The following SEC13 variants were observed in gnomAD, a reference collection of about 807,000 sequenced individuals.
SEC13 encodes the protein protein SEC13 homolog.
Under a neutral mutation model 49.2 loss-of-function variants are expected in SEC13, and 25 were observed. That is an observed-to-expected ratio of 0.51 (90% CI 0.37 to 0.71). The LOEUF is 0.71. Among genes scored for constraint, SEC13 ranks in the 30% least tolerant of loss-of-function variants. SEC13 has a pLI of 0.00. For missense variants in SEC13, 383 were observed against 417.6 expected (o/e 0.92, Z 0.72); for synonymous variants, 148 against 163.9 (o/e 0.90, Z 0.74).
At position 10,305,147 on chromosome 3, in the gene SEC13, C is replaced by G. The variant is rs144621494; in HGVS notation, c.594G>C (p.Glu198Asp). 4.3e-6 allele frequency: 7 copies of G among 1,611,408 alleles called. No homozygotes were observed. The Admixed American group carries it at 6.7e-5, about 15-fold the overall frequency. ...TCTGCTCCTCCTTCCACTGGCCGTC[C>G]TCCTCCTCCCTAACAGTGGGGACAG... is the stretch of plus-strand genomic sequence containing the variant. ...DNLIKLWKEE[E>D]DGQWKEEQKL... The change falls in exon 7 of 9, where the codon GAG becomes GAC. Residue 198 changes from glutamate (E) to aspartate (D), a missense_variant. By Grantham distance (45) the Glu-to-Asp change is conservative (BLOSUM62 2). Transcript: ENST00000350697.
intron 7 of SEC13, 60 bp from the exon 8 acceptor site, chr3:10,304,232 A>T: frequency 6.3e-7 from 1 of 1,580,046 alleles, no homozygotes; most frequent in Non-Finnish European, 8.7e-7. Flanking sequence ...TTGTGATGTG[A>T]TGTCCTCCCA....
intron 3 of SEC13, among the ~76,000 whole-genome samples, chr3:10,314,178 C>T (rs1185880800): frequency 6.6e-6 from 1 of 152,120 alleles, no homozygotes; most frequent in African/African-American, 2.4e-5. Flanking sequence ...GCAGTGGCAC[C>T]ATCGTGGCTC....
At position 10,312,916 on chromosome 3, in the gene SEC13, A is replaced by C. The variant is rs1350230893; in HGVS notation, c.165-186T>G. 5.2e-6 allele frequency: 3 copies of C among 579,834 alleles called. No individual in the cohort carries two copies. In the East Asian group the frequency reaches 8.8e-5, roughly 17 times the overall value. The allele number at this position is 579,834 out of a possible 1,614,324, so 35.9% of individuals were successfully genotyped here. On this transcript the variant is annotated intron_variant, in intron 3 of 8. Transcript: ENST00000350697. ...ACAGTGAGGAGCCTGAGGTCCTAAG[A>C]GGTTAAGCAACCTAAGGTCACAGAG...
chr3:10,301,538 AT>A (rs1300385487), intron 8 of SEC13, among the ~76,000 whole-genome samples, 164 bp from the exon 9 acceptor site: 1 of 152,254 alleles, frequency 6.6e-6, no homozygotes, highest in African/African-American at 2.4e-5. Flanking sequence ...GAGTCCAGGA[AT>A]AAAAACTCAC....
At chr3:10,320,928 A>G in intron 1 of SEC13, 122 bp downstream of exon 1, 1 of 1,514,722 alleles carries the variant, frequency 6.6e-7, no homozygotes, top group Non-Finnish European at 8.8e-7. Context: ...CCAAATCTCT[A>G]AGCGGTGGAG....
intron 6 of SEC13, 136 bp downstream of exon 6, chr3:10,305,423 G>T: frequency 8.3e-7 from 1 of 1,200,376 alleles, no homozygotes; most frequent in South Asian, 1.4e-5. Context: ...TCCTCCAACA[G>T]ATTGAAAACA....
At chr3:10,306,020 CAAGAATTCT>C in intron 5 of SEC13, 1 of 198,116 alleles carries the variant, frequency 5.0e-6, no homozygotes, top group Non-Finnish European at 1.0e-5. Context: ...GATCAAGAAA[CAAGAATTCT>C]GCCACCTGCC....
At chr3:10,305,321 C>A (rs201190602) in intron 6 of SEC13, 165 bp from the exon 7 acceptor site, 2 of 988,066 alleles carry the variant, frequency 2.0e-6, no homozygotes, top group Non-Finnish European at 2.9e-6. Flanking sequence ...GTAAAAAAAA[C>A]CCTCCAGAAA....
chr3:10,314,116 A>G (rs1280867194), intron 3 of SEC13: 4 of 142,810 alleles, frequency 2.8e-5, no homozygotes, highest in Non-Finnish European at 6.1e-5. Flanking sequence ...ATTATACAGT[A>G]ATCAACTTTT....
intron 1 of SEC13, among the ~76,000 whole-genome samples, chr3:10,318,522 G>A (rs1456969852): frequency 6.6e-6 from 1 of 151,978 alleles, no homozygotes; most frequent in Non-Finnish European, 1.5e-5. Context: ...TGGGGAAACG[G>A]CAAGCAGTCC....
intron 6 of SEC13, 35 bp from the exon 7 acceptor site, chr3:10,305,191 G>A (rs775353307): frequency 7.6e-6 from 12 of 1,579,618 alleles, no homozygotes; most frequent in Non-Finnish European, 1.0e-5. Context: ...TCAGCAGGGG[G>A]CCGTTCCCAC....
At chr3:10,301,615 G>C (rs1312111627) in intron 8 of SEC13, among the ~76,000 whole-genome samples, 4 of 152,170 alleles carry the variant, frequency 2.6e-5, no homozygotes, top group Admixed American at 2.6e-4. Flanking sequence ...ACTGTTTTCA[G>C]CAAACTGTGA....
chr3:10,301,450 C>T lies in SEC13; in HGVS notation c.856-76G>A, dbSNP rs567414239. The T allele has an allele frequency of 4.8e-5, 76 of 1,578,648 alleles. 1 individual carries two copies. Among genetic ancestry groups the T allele is most frequent in the South Asian group, 4.4e-4 (39 of 88,322 alleles). On this transcript the variant is annotated intron_variant, in intron 8 of 8. Coordinates refer to ENST00000350697, the MANE Select transcript of SEC13 (RefSeq NM_183352.3). ...GCTGTCCCCTAAATATGAGCCTCAT[C>T]CTCATCAAGAACCACTGCCCAGAGG... is the stretch of plus-strand genomic sequence containing the variant.
chr3:10,305,586 C>A lies in SEC13; in HGVS notation c.557G>T (p.Gly186Val). The stretch of plus-strand genomic sequence containing the variant: ...CCACAGCTTGATGAGGTTGTCACAG[C>A]CACCTGATGCAAACCTCTTGATGTA... ...PNYIKRFASGGCDNLIKLWKE... is the reference protein window; with the variant it reads ...PNYIKRFASGVCDNLIKLWKE... The change falls in exon 6 of 9, where the codon GGC becomes GTC. Residue 186 changes from glycine to valine, a missense_variant. Physicochemically the swap from Gly to Val is moderately radical, Grantham distance 109. Transcript: ENST00000350697. 6.2e-7 allele frequency: 1 copy of A among 1,614,090 alleles called. No individual in the cohort carries two copies. The highest frequency in any genetic ancestry group is 1.7e-5 in the Admixed American group (1 of 60,028).
chr3:10,311,755 C>G (rs1701270336), intron 5 of SEC13: 1 of 1,409,390 alleles, frequency 7.1e-7, no homozygotes, highest in African/African-American at 1.4e-5. Flanking sequence ...CTTGGGAGCA[C>G]ACAACAAGGA....
rs116079888 is a variant in SEC13, at chr3:10,320,633, G to A, written c.3+417C>T. 86 of 1,011,086 alleles carry A rather than the reference G, an allele frequency of 8.5e-5. No individual in the cohort carries two copies. The African/African-American group carries it at 1.4e-3, about 16-fold the overall frequency. The allele number at this position is 1,011,086 out of a possible 1,614,324, so 62.6% of individuals were successfully genotyped here. A position where few individuals can be genotyped will look rare whatever the true frequency, so the allele number is the denominator to read the frequency against. The stretch of plus-strand genomic sequence containing the variant: ...TACCACTTAAGCAGCTGTGCAAGAG[G>A]CTCCACGTCTCCGAACCTCAAGTGT... On this transcript the variant is annotated intron_variant, in intron 1 of 8. Coordinates refer to ENST00000350697, the MANE Select transcript of SEC13 (RefSeq NM_183352.3).
Position 10,301,380 on chromosome 3 carries a change from A to G in SEC13, c.856-6T>C, listed in dbSNP as rs1700498234. The G allele has an allele frequency of 1.2e-6, 2 of 1,614,106 alleles. No individual in the cohort carries two copies. The highest frequency in any genetic ancestry group is 2.7e-5 in the African/African-American group (2 of 75,020). ...GACTCCTTCCACAGGGTCACCTGCGAGTCAGTGCACAAGCAGATTATCACG... is the reference window on the plus strand; with the variant it reads ...GACTCCTTCCACAGGGTCACCTGCGGGTCAGTGCACAAGCAGATTATCACG... On this transcript the variant is annotated splice_polypyrimidine_tract_variant and splice_region_variant and intron_variant, in intron 8 of 8. Coordinates refer to ENST00000350697, the MANE Select transcript of SEC13 (RefSeq NM_183352.3).
At chr3:10,304,219 C>T (rs1033022143) in intron 7 of SEC13, 47 bp from the exon 8 acceptor site, 20 of 1,599,152 alleles carry the variant, frequency 1.3e-5, no homozygotes, top group African/African-American at 5.4e-5. Context: ...AAGACTCCTG[C>T]GTTTGTGATG....
chr3:10,321,083 A>C lies in SEC13; in HGVS notation c.-31T>G. ...CGGCGGTGGCTGCTCCAGGTCTCGG[A>C]CGTGGCAGCTCCCGGCGGCGCCTCG... is the stretch of plus-strand genomic sequence containing the variant. On this transcript the variant is annotated 5_prime_UTR_variant, in exon 1 of 9. Transcript: ENST00000350697. The surrounding 1 kb of genome is among the most constrained non-coding windows in gnomAD (Gnocchi z 4.1). The C allele has an allele frequency of 6.2e-7, 1 of 1,612,628 alleles. No homozygotes were observed. The highest frequency in any genetic ancestry group is 8.5e-7 in the Non-Finnish European group (1 of 1,179,582).
Sources: allele counts gnomAD v4.1 joint callset (sites outside exome capture counted in the v4.1 genomes callset), GRCh38; gene constraint gnomAD v4.1.1; non-coding constraint Gnocchi (gnomAD v3.1); transcripts MANE v1.5; gene names NCBI Gene and HGNC (gene_info 2026-07-23, HGNC 2026-07-21).